The following GNAQ variants were observed in gnomAD, a reference collection of about 807,000 sequenced individuals.
The protein encoded by GNAQ is guanine nucleotide-binding protein G(q) subunit alpha.
GNAQ carries 8 observed loss-of-function variants against 43.9 expected under a neutral mutation model. That is an observed-to-expected ratio of 0.18 (90% CI 0.11 to 0.33). The LOEUF (loss-of-function observed/expected upper bound fraction) is 0.33. GNAQ is among the 10% of genes least tolerant of loss of function. The pLI, the probability that GNAQ is intolerant of heterozygous loss-of-function variation, is 1.00. For synonymous variants in GNAQ, 155 were observed against 170.7 expected, an observed-to-expected ratio of 0.91 and a Z score of 0.71; for missense variants, 158 against 450.8, an observed-to-expected ratio of 0.35 and a Z score of 5.88.
At position 77,894,851 on chromosome 9, in the gene GNAQ, T is replaced by G. The variant is rs1021561549; in HGVS notation, c.321+27310A>C. 2.3e-4 allele frequency among the ~76,000 whole-genome samples: 35 copies of G among 151,930 alleles called. 1 individual carries two copies. Among genetic ancestry groups the G allele is most frequent in the African/African-American group, 2.4e-5 (1 of 41,368 alleles). On this transcript the variant is annotated intron_variant, in intron 2 of 6. Coordinates refer to ENST00000286548, the MANE Select transcript of GNAQ (RefSeq NM_002072.5). ...TAATAAACTTAAGAAGAATGCTAATTATACCTCAATATAATATTTTCTCTT... is the reference window on the plus strand; with the variant it reads ...TAATAAACTTAAGAAGAATGCTAATGATACCTCAATATAATATTTTCTCTT...
intron 1 of GNAQ, among the ~76,000 whole-genome samples, chr9:77,950,347 C>A (rs762755103): frequency 6.6e-6 from 1 of 152,182 alleles, no homozygotes; most frequent in Non-Finnish European, 1.5e-5. Context: ...TGTGCCTCCA[C>A]GCTACATGGC....
chr9:77,835,051 T>C (rs1167468590), intron 2 of GNAQ, among the ~76,000 whole-genome samples: 2 of 152,078 alleles, frequency 1.3e-5, no homozygotes, highest in African/African-American at 4.8e-5. Flanking sequence ...AATCCTAGTA[T>C]ACATTTTTTC....
intron 5 of GNAQ, among the ~76,000 whole-genome samples, chr9:77,765,845 G>A (rs1826126862): frequency 6.6e-6 from 1 of 152,176 alleles, no homozygotes; most frequent in African/African-American, 2.4e-5. Context: ...GTCCATTGGT[G>A]GATGACTGGA....
At chr9:77,772,904 A>G (rs767793552) in intron 5 of GNAQ, among the ~76,000 whole-genome samples, 1 of 152,234 alleles carries the variant, frequency 6.6e-6, no homozygotes, top group Non-Finnish European at 1.5e-5. Context: ...ATAGCTGATG[A>G]GCTAAACAAA....
At chr9:77,950,157 G>A (rs1440246644) in intron 1 of GNAQ, among the ~76,000 whole-genome samples, 1 of 152,126 alleles carries the variant, frequency 6.6e-6, no homozygotes, top group African/African-American at 2.4e-5. Context: ...TTCTCTGGAG[G>A]CAATTAGAAA....
At chr9:77,812,241 G>A (rs1010859601) in intron 3 of GNAQ, among the ~76,000 whole-genome samples, 18 of 152,316 alleles carry the variant, frequency 1.2e-4, no homozygotes, top group Non-Finnish European at 2.4e-4. Context: ...AGGAAGAGCT[G>A]ATGAAGAACT....
chr9:77,889,342 C>T (rs1828361695), intron 2 of GNAQ, among the ~76,000 whole-genome samples: 2 of 128,516 alleles, frequency 1.6e-5, no homozygotes, highest in South Asian at 2.6e-4. Context: ...GCCTGGGAGG[C>T]GTAGGGTGCA....
chr9:77,731,430 A>G (rs542161287), intron 5 of GNAQ, among the ~76,000 whole-genome samples: 451 of 152,286 alleles, frequency 3.0e-3, no homozygotes, highest in Admixed American at 5.4e-3. Context: ...AAGCTCACCC[A>G]TGCATGCAGT....
At chr9:77,983,451 G>A (rs1159615027) in intron 1 of GNAQ, among the ~76,000 whole-genome samples, 1 of 152,194 alleles carries the variant, frequency 6.6e-6, no homozygotes, top group Non-Finnish European at 1.5e-5. Context: ...GCTGGGAGAT[G>A]ACTCCTCTGG....
intron 1 of GNAQ, among the ~76,000 whole-genome samples, chr9:77,974,074 C>G (rs1374911558): frequency 6.6e-6 from 1 of 151,950 alleles, no homozygotes; most frequent in Non-Finnish European, 1.5e-5. Context: ...CTCATTCATC[C>G]AACCATTATA....
intron 2 of GNAQ, among the ~76,000 whole-genome samples, chr9:77,823,418 G>C (rs1158705153): frequency 6.6e-6 from 1 of 152,114 alleles, no homozygotes. Context: ...TTTCCACTGA[G>C]AGTATAATAA....
chr9:77,898,296 G>A (rs930753866), intron 2 of GNAQ, among the ~76,000 whole-genome samples: 4 of 152,154 alleles, frequency 2.6e-5, no homozygotes, highest in African/African-American at 9.7e-5. Flanking sequence ...CAGTGACTGG[G>A]CTTAAATCAA....
At chr9:78,025,122 C>T (rs937911368) in intron 1 of GNAQ, among the ~76,000 whole-genome samples, 97 of 152,140 alleles carry the variant, frequency 6.4e-4, no homozygotes, top group Non-Finnish European at 7.3e-5. Context: ...GATGTGTTAA[C>T]TCATTTCATC....
chr9:77,901,711 C>T (rs1267134587), intron 2 of GNAQ, among the ~76,000 whole-genome samples: 2 of 152,202 alleles, frequency 1.3e-5, no homozygotes, highest in Admixed American at 6.5e-5. Flanking sequence ...TTTACAGTTT[C>T]AGTCTAGTTA....
intron 3 of GNAQ, among the ~76,000 whole-genome samples, chr9:77,812,006 G>C (rs1164974067): frequency 6.6e-6 from 1 of 152,164 alleles, no homozygotes; most frequent in Non-Finnish European, 1.5e-5. Flanking sequence ...ACAGGTCCCT[G>C]CCTGTCCTGG....
intron 2 of GNAQ, among the ~76,000 whole-genome samples, chr9:77,847,675 C>G (rs1057287622): frequency 6.6e-6 from 1 of 152,350 alleles, no homozygotes; most frequent in Non-Finnish European, 1.5e-5. Context: ...ATTTGGTCAA[C>G]TGGCTACAAA....
At position 77,961,932 on chromosome 9, in the gene GNAQ, C is replaced by T. The variant is rs546978408; in HGVS notation, c.137-39587G>A. Among the ~76,000 whole-genome samples the T allele has an allele frequency of 1.6e-3, 236 of 152,180 alleles. 1 individual carries two copies. Among genetic ancestry groups the T allele is most frequent in the African/African-American group, 5.3e-3 (219 of 41,512 alleles). On this transcript the variant is annotated intron_variant, in intron 1 of 6. Transcript: ENST00000286548. ...AAGCAGTACTAGTTAGGTTCCACCA[C>T]CTCAAGAATGTAGAGGAAAACATAA...
intron 1 of GNAQ, among the ~76,000 whole-genome samples, chr9:78,009,540 C>G (rs1823748754): frequency 6.6e-6 from 1 of 152,168 alleles, no homozygotes; most frequent in Non-Finnish European, 1.5e-5. Context: ...GTAATAAAGA[C>G]TTGGAATCAA....
rs909581697 is a variant in GNAQ, at chr9:77,872,615, T to C, written c.321+49546A>G. On this transcript the variant is annotated intron_variant, in intron 2 of 6. Transcript: ENST00000286548. ...GCAGATTTTAACACATCTCAGCACA[T>C]AGTTCTTGACCATGAATGTGTGTGA... is the stretch of plus-strand genomic sequence containing the variant. Among the ~76,000 whole-genome samples the C allele has an allele frequency of 5.9e-5, 9 of 152,308 alleles. No homozygotes were observed. In the East Asian group the frequency reaches 1.5e-3, roughly 26 times the overall value.
Sources: gnomAD v4.1 joint callset for allele counts (sites outside exome capture counted in the v4.1 genomes callset) on GRCh38, gnomAD v4.1.1 for gene constraint, MANE v1.5 for transcripts, NCBI Gene and HGNC (gene_info 2026-07-23, HGNC 2026-07-21) for gene names.